The following TTF2 variants were observed in gnomAD, a reference collection of about 807,000 sequenced individuals.
The protein encoded by TTF2 is transcription termination factor 2, also known as RNA polymerase II termination factor.
TTF2 carries 108 observed loss-of-function variants against 142.4 expected under a neutral mutation model. The ratio of observed to expected loss-of-function variants is 0.76; its 90% confidence interval spans 0.65 to 0.89. The LOEUF (loss-of-function observed/expected upper bound fraction) is 0.89, where lower values mean the gene tolerates loss of function less well. Ranked by LOEUF, TTF2 falls within the 40% of genes least tolerant of loss-of-function variation. The pLI, the probability that TTF2 is intolerant of heterozygous loss-of-function variation, is 0.00. For synonymous variants in TTF2, 483 were observed against 506.2 expected, an observed-to-expected ratio of 0.95 and a Z score of 0.61; for missense variants, 1,327 against 1,379.8, an observed-to-expected ratio of 0.96 and a Z score of 0.61.
chr1:117,088,537 CA>C (rs950791919), intron 12 of TTF2, among the ~76,000 whole-genome samples: 91 of 140,902 alleles, frequency 6.5e-4, no homozygotes, highest in Admixed American at 5.6e-4. Flanking sequence ...ACTCCCATCT[CA>C]AAAAAAAAAA....
At chr1:117,091,439 A>G (rs1648567669) in intron 16 of TTF2, 29 bp downstream of exon 16, 3 of 1,573,172 alleles carry the variant, frequency 1.9e-6, no homozygotes, top group African/African-American at 1.4e-5. Flanking sequence ...ATAAATACAT[A>G]TGACTGGTGA....
In TTF2 at chr1:117,103,606, T is replaced by C. The variant is rs1404999132; in HGVS notation, c.*2082T>C. 2 of 152,246 alleles carry C rather than the reference T, an allele frequency of 1.3e-5. No individual in the cohort carries two copies. Among genetic ancestry groups the C allele is most frequent in the Non-Finnish European group, 2.9e-5 (2 of 68,062 alleles). The allele number at this position is 152,246 out of a possible 1,614,324, so 9.4% of individuals were successfully genotyped here. On this transcript the variant is annotated 3_prime_UTR_variant, in exon 23 of 23. Transcript: ENST00000369466. ...TGGCCTGGTGGGAAGAATTCTAGTC[T>C]AGAACGTTTGAGATTTGACTCTAGT...
At chr1:117,098,674 T>A in intron 21 of TTF2, 159 bp from the exon 22 acceptor site, 1 of 599,910 alleles carries the variant, frequency 1.7e-6, no homozygotes, top group Non-Finnish European at 2.9e-6. Context: ...TGTGTGTGTT[T>A]TGTTTTGCTT....
chr1:117,071,969 A>G (rs1207891287), intron 3 of TTF2, among the ~76,000 whole-genome samples: 1 of 152,192 alleles, frequency 6.6e-6, no homozygotes, highest in East Asian at 1.9e-4. Context: ...GTACGACTTA[A>G]GATGGGCCTT....
rs1262816052 is a variant in TTF2 at position 117,084,241 on chromosome 1, TC to T, written c.2054+76del. 7 of 1,572,870 alleles carry T rather than the reference TC, an allele frequency of 4.5e-6. No individual in the cohort carries two copies. In the African/African-American group the frequency reaches 6.8e-5, roughly 15 times the overall value. On this transcript the variant is annotated intron_variant, in intron 11 of 22. Transcript: ENST00000369466. ...AAGGGCCCACGGGCCTTTGCTCCCA[TC>T]CCTGAGATTTCACTTAATCAGGACG...
intron 3 of TTF2, among the ~76,000 whole-genome samples, chr1:117,066,004 T>TTC (rs1293184133): frequency 7.1e-6 from 1 of 140,968 alleles, no homozygotes; most frequent in Admixed American, 7.0e-5. Flanking sequence ...TTTTTTTTTT[T>TTC]TTTTTTTTTT....
chr1:117,083,641 G>A (rs2764857), intron 10 of TTF2, among the ~76,000 whole-genome samples: 133,813 of 152,162 alleles, frequency 0.88, 59,262 homozygotes, highest in East Asian at 1. Flanking sequence ...TCCTCCCCCT[G>A]TTTAGCCTCT....
chr1:117,076,812 A>T lies in TTF2; in HGVS notation c.1562A>T (p.Gln521Leu), dbSNP rs767513764. Residue 521 changes from glutamine (Q) to leucine (L), a missense_variant, in exon 7 of 23, where the codon CAG becomes CTG. Gln to Leu is a moderately radical substitution (Grantham distance 113, BLOSUM62 -2). Coordinates refer to ENST00000369466, the MANE Select transcript of TTF2 (RefSeq NM_003594.4). The surrounding 1 kb of genome is among the most constrained non-coding windows in gnomAD (Gnocchi z 4.6). ...ACQVTAGGSS[Q>L]CYRGHTNQDH... ...CAGGTGACTGCTGGAGGATCCAGTC[A>T]GTGCTATCGAGGTAAGACCCAAGGG... 3 of 1,612,440 alleles carry T rather than the reference A, an allele frequency of 1.9e-6. No individual in the cohort carries two copies. In the African/African-American group the frequency reaches 4.0e-5, roughly 22 times the overall value.
chr1:117,086,450 T>C lies in TTF2; in HGVS notation c.2088T>C (p.Tyr696=), dbSNP rs750325717. The C allele has an allele frequency of 6.2e-7, 1 of 1,614,008 alleles. No individual in the cohort carries two copies. The highest frequency in any genetic ancestry group is 1.3e-5 in the African/African-American group (1 of 75,020). ...CATATGACATCGTGATCACTACCTA[T>C]AGCCTCGTGGCCAAGGAGATTCCCA... ...LSTYDIVITT[Y]SLVAKEIPTN... The change falls in exon 12 of 23, where the codon TAT becomes TAC. Residue 696 remains tyrosine, a synonymous_variant. Coordinates refer to ENST00000369466, the MANE Select transcript of TTF2 (RefSeq NM_003594.4). This position sits in a 1 kb window ranked among gnomAD's most constrained non-coding sequence, Gnocchi z 4.2.
Position 117,096,218 on chromosome 1 carries a change from T to G in TTF2, c.3105T>G (p.Thr1035=), listed in dbSNP as rs759359245. ...TGCACCTGAAGAAGCATGGACTGACTTATGCCACCATCGATGGCTCTGTCA... is the reference window on the plus strand; with the variant it reads ...TGCACCTGAAGAAGCATGGACTGACGTATGCCACCATCGATGGCTCTGTCA... ...VALHLKKHGL[T]YATIDGSVNP... The change falls in exon 20 of 23, where the codon ACT becomes ACG. Residue 1035 remains threonine, a synonymous_variant. Coordinates refer to ENST00000369466, the MANE Select transcript of TTF2 (RefSeq NM_003594.4). 7.6e-5 allele frequency: 123 copies of G among 1,614,056 alleles called. No individual in the cohort carries two copies. The East Asian group carries it at 2.7e-3, about 35-fold the overall frequency.
In TTF2 at chr1:117,076,220, A is replaced by G. The variant is rs1467402186; in HGVS notation, c.1316A>G (p.Lys439Arg). The change falls in exon 6 of 23, where the codon AAG (lysine) becomes AGG (arginine). Residue 439 changes from lysine (K) to arginine (R), a missense_variant. Transcript: ENST00000369466. The surrounding 1 kb of genome is among the most constrained non-coding windows in gnomAD (Gnocchi z 4.6). ...ASVNIQALPD[K>R]GQKLIKQIQE... is the part of the protein sequence containing the mutation. ...GTGAACATCCAGGCTCTTCCAGACA[A>G]GGGTCAGAAGTTGATCAAACAAATC... 1 of 1,613,986 alleles carries G rather than the reference A, an allele frequency of 6.2e-7. No individual in the cohort carries two copies.
rs546023878 is a variant in TTF2, at chr1:117,077,579, G to A, written c.1574-337G>A. Reference sequence around the variant, plus strand: ...CACAGAGAGCAATAACACCCTATTAGCTAAGTGTTTCCTTCCTGAACTTTC... The same window carrying A: ...CACAGAGAGCAATAACACCCTATTAACTAAGTGTTTCCTTCCTGAACTTTC... On this transcript the variant is annotated intron_variant, in intron 7 of 22. Transcript: ENST00000369466. Among the ~76,000 whole-genome samples the A allele has an allele frequency of 3.1e-4, 47 of 152,270 alleles. 1 individual carries two copies. The highest frequency in any genetic ancestry group is 1.1e-3 in the African/African-American group (44 of 41,554).
chr1:117,076,861 C>T lies in TTF2; in HGVS notation c.1573+38C>T. ...GGCCTGACCCTGCTGTGAATAGCCA[C>T]CCCTGTGAGTTACGTGCCACCCGGT... On this transcript the variant is annotated intron_variant, in intron 7 of 22. Coordinates refer to ENST00000369466, the MANE Select transcript of TTF2 (RefSeq NM_003594.4). The surrounding 1 kb of genome is among the most constrained non-coding windows in gnomAD (Gnocchi z 4.6). 1 of 1,566,562 alleles carries T rather than the reference C, an allele frequency of 6.4e-7. No individual in the cohort carries two copies.
chr1:117,080,446 A>T lies in TTF2; in HGVS notation c.1783+797A>T, dbSNP rs74321097. ...AGGATTTCATAGGGAGTCTCTTTCT[A>T]AAGCTGCTTATACCTGAATTAAAGA... On this transcript the variant is annotated intron_variant, in intron 9 of 22. Coordinates refer to ENST00000369466, the MANE Select transcript of TTF2 (RefSeq NM_003594.4). This position sits in a 1 kb window ranked among gnomAD's most constrained non-coding sequence, Gnocchi z 4.3. Among the ~76,000 whole-genome samples, 2,693 of 152,298 alleles carry T rather than the reference A, an allele frequency of 0.018. 79 individuals are homozygous for T. The highest frequency in any genetic ancestry group is 0.061 in the African/African-American group (2,545 of 41,538).
At chr1:117,065,596 C>CA (rs567127655) in intron 3 of TTF2, among the ~76,000 whole-genome samples, 14 of 146,904 alleles carry the variant, frequency 9.5e-5, no homozygotes, top group African/African-American at 1.7e-4. Flanking sequence ...GACTCTGTCT[C>CA]AAAAAAAAAA....
At position 117,076,205 on chromosome 1, in the gene TTF2, A is replaced by G; in HGVS notation, c.1301A>G (p.Gln434Arg). The G allele has an allele frequency of 6.2e-7, 1 of 1,613,984 alleles. No individual in the cohort carries two copies. The highest frequency in any genetic ancestry group is 8.5e-7 in the Non-Finnish European group (1 of 1,179,870). The stretch of plus-strand genomic sequence containing the variant: ...AGCACACTGGCATCAGTGAACATCC[A>G]GGCTCTTCCAGACAAGGGTCAGAAG... ...KKSTLASVNI[Q>R]ALPDKGQKLI... Residue 434 changes from glutamine to arginine, a missense_variant, in exon 6 of 23, where the codon CAG (glutamine) becomes CGG (arginine). Coordinates refer to ENST00000369466, the MANE Select transcript of TTF2 (RefSeq NM_003594.4). This position sits in a 1 kb window ranked among gnomAD's most constrained non-coding sequence, Gnocchi z 4.6.
rs554826961 is a variant in TTF2, at chr1:117,097,575, C to G, written c.3269+142C>G. The G allele has an allele frequency of 5.2e-6, 4 of 774,618 alleles. No homozygotes were observed. Among genetic ancestry groups the G allele is most frequent in the Non-Finnish European group, 8.9e-6 (4 of 450,010 alleles). The allele number at this position is 774,618 out of a possible 1,614,324, so 48.0% of individuals were successfully genotyped here. A position where few individuals can be genotyped will look rare whatever the true frequency, so the allele number is the denominator to read the frequency against. ...CTTGCTTTGTATGTGTCTATAGATACAGATCTAAGCAGGGTATAGGGCTAG... is the reference window on the plus strand; with the variant it reads ...CTTGCTTTGTATGTGTCTATAGATAGAGATCTAAGCAGGGTATAGGGCTAG... On this transcript the variant is annotated intron_variant, in intron 21 of 22. Coordinates refer to ENST00000369466, the MANE Select transcript of TTF2 (RefSeq NM_003594.4). This position sits in a 1 kb window ranked among gnomAD's most constrained non-coding sequence, Gnocchi z 4.1.
Position 117,077,939 on chromosome 1 carries a change from C to A in TTF2, c.1597C>A (p.His533Asn). ...AGGCCATACAAACCAAGATCACGTT[C>A]ATGCAGTGTGGAAAATCACAAGTGA... Reference protein sequence around the residue: ...YRGHTNQDHVHAVWKITSEAI... With the variant: ...YRGHTNQDHVNAVWKITSEAI... The change falls in exon 8 of 23, where the codon CAT becomes AAT. Residue 533 changes from histidine (H) to asparagine (N), a missense_variant. His to Asn is a moderately conservative substitution (Grantham distance 68). Transcript: ENST00000369466. 2 of 1,614,136 alleles carry A rather than the reference C, an allele frequency of 1.2e-6. No homozygotes were observed. Among genetic ancestry groups the A allele is most frequent in the South Asian group, 2.2e-5 (2 of 91,060 alleles).
chr1:117,084,812 T>C (rs1370650465), intron 11 of TTF2, among the ~76,000 whole-genome samples: 1 of 152,120 alleles, frequency 6.6e-6, no homozygotes, highest in Middle Eastern at 3.2e-3. Flanking sequence ...GCTGCTGTAG[T>C]CAAGGATGAG....
Sources: allele counts gnomAD v4.1 joint callset (sites outside exome capture counted in the v4.1 genomes callset), GRCh38; gene constraint gnomAD v4.1.1; non-coding constraint Gnocchi (gnomAD v3.1); transcripts MANE v1.5; gene names NCBI Gene and HGNC (gene_info 2026-07-23, HGNC 2026-07-21).